Variants in UNC13C observed in about 807,000 individuals in gnomAD.
UNC13C encodes unc-13 homolog C, also known as protein unc-13 homolog C.
Under a neutral mutation model 245.4 loss-of-function variants are expected in UNC13C, and 174 were observed. The observed-to-expected ratio is 0.71, with a 90% CI of 0.63 to 0.80. The LOEUF (loss-of-function observed/expected upper bound fraction) is 0.80. Ranked by LOEUF, UNC13C falls within the 30% of genes least tolerant of loss-of-function variation. UNC13C has a pLI of 0.00. For synonymous variants in UNC13C, 992 were observed against 895.1 expected (o/e 1.11, Z -1.93); for missense variants, 2,829 against 2,602.9 (o/e 1.09, Z -1.89).
chr15:54,420,458 C>G (rs554436699), intron 19 of UNC13C, among the ~76,000 whole-genome samples: 2 of 151,892 alleles, frequency 1.3e-5, no homozygotes, highest in Admixed American at 1.3e-4. Flanking sequence ...TCAGTCACTT[C>G]TACAATATCT....
chr15:54,379,465 C>T (rs955371966), intron 17 of UNC13C, among the ~76,000 whole-genome samples: 3 of 152,184 alleles, frequency 2.0e-5, no homozygotes, highest in Admixed American at 6.5e-5. Context: ...TTTAATCTGA[C>T]TTTATTATAA....
intron 25 of UNC13C, among the ~76,000 whole-genome samples, chr15:54,526,161 G>A (rs1195228942): frequency 6.6e-6 from 1 of 152,110 alleles, no homozygotes; most frequent in Non-Finnish European, 1.5e-5. Flanking sequence ...CCCATGGGAA[G>A]GAGTTTGGAA....
At chr15:54,266,898 A>G (rs150041864) in intron 10 of UNC13C, among the ~76,000 whole-genome samples, 42 of 152,196 alleles carry the variant, frequency 2.8e-4, no homozygotes, top group African/African-American at 1.0e-3. Context: ...TATAACTAGA[A>G]CAATATGGCA....
chr15:54,183,856 C>A (rs982593820), intron 4 of UNC13C, among the ~76,000 whole-genome samples: 4 of 150,332 alleles, frequency 2.7e-5, no homozygotes, highest in Non-Finnish European at 5.9e-5. Flanking sequence ...GGGAGAGGAA[C>A]AATTTGTTTT....
At chr15:54,577,446 C>G (rs1898003410) in intron 30 of UNC13C, among the ~76,000 whole-genome samples, 1 of 152,168 alleles carries the variant, frequency 6.6e-6, no homozygotes, top group Admixed American at 6.5e-5. Context: ...TCTACTTTCC[C>G]CCACTCCGCA....
At chr15:54,313,075 C>A (rs1370831362) in intron 13 of UNC13C, among the ~76,000 whole-genome samples, 2 of 151,674 alleles carry the variant, frequency 1.3e-5, no homozygotes, top group African/African-American at 4.8e-5. Flanking sequence ...CCAGAAATCA[C>A]CTCAGTTAAT....
At chr15:54,258,339 C>A (rs775320023) in intron 8 of UNC13C, among the ~76,000 whole-genome samples, 3 of 152,044 alleles carry the variant, frequency 2.0e-5, no homozygotes, top group South Asian at 2.1e-4. Flanking sequence ...GCAGCTCAAA[C>A]CCCTAAAATT....
At chr15:54,310,559 T>G (rs896036311) in intron 13 of UNC13C, among the ~76,000 whole-genome samples, 2 of 151,808 alleles carry the variant, frequency 1.3e-5, no homozygotes, top group African/African-American at 4.8e-5. Flanking sequence ...TGTTAGAGCA[T>G]GTAAGGGTTA....
chr15:54,332,176 T>G (rs764206353), intron 15 of UNC13C, 65 bp downstream of exon 15: 1 of 1,141,058 alleles, frequency 8.8e-7, no homozygotes, highest in Non-Finnish European at 1.2e-6. Context: ...CTTGCCATAT[T>G]GTAAAAATTA....
the UNC13C span, among the ~76,000 whole-genome samples, chr15:53,871,176 G>A: frequency 2.0e-5 from 3 of 152,082 alleles, no homozygotes; most frequent in Admixed American, 6.6e-5. Context: ...CTGAATGTCT[G>A]TATGACCTCT....
chr15:54,093,062 GCT>G (rs1199032239), intron 2 of UNC13C, among the ~76,000 whole-genome samples: 1 of 151,994 alleles, frequency 6.6e-6, no homozygotes, highest in East Asian at 1.9e-4. Context: ...GTCCTGTGAT[GCT>G]AGGTTCCTTA....
At chr15:54,088,419 T>G (rs1346905770) in intron 2 of UNC13C, among the ~76,000 whole-genome samples, 2 of 152,176 alleles carry the variant, frequency 1.3e-5, no homozygotes, top group Non-Finnish European at 2.9e-5. Flanking sequence ...AGAAATGTTT[T>G]TAATCCACAT....
intron 17 of UNC13C, among the ~76,000 whole-genome samples, chr15:54,344,638 C>G (rs1342429613): frequency 1.3e-5 from 2 of 152,128 alleles, no homozygotes; most frequent in African/African-American, 2.4e-5. Context: ...TTGAAGCCAT[C>G]TAGGAATACT....
intron 4 of UNC13C, among the ~76,000 whole-genome samples, chr15:54,228,106 A>G (rs930963160): frequency 8.5e-5 from 13 of 152,162 alleles, no homozygotes; most frequent in African/African-American, 3.1e-4. Context: ...TCCATATAAG[A>G]AGACGTGTCT....
intron 14 of UNC13C, among the ~76,000 whole-genome samples, chr15:54,328,102 T>C (rs1177569421): frequency 6.6e-6 from 1 of 152,110 alleles, no homozygotes; most frequent in African/African-American, 2.4e-5. Flanking sequence ...AACATTTCAA[T>C]GCTTTTCAAG....
At position 54,434,157 on chromosome 15, in the gene UNC13C, C is replaced by G. The variant is rs760646918; in HGVS notation, c.4933+19090C>G. Among the ~76,000 whole-genome samples, 59 of 152,170 alleles carry G rather than the reference C, an allele frequency of 3.9e-4. 1 individual carries two copies. Among genetic ancestry groups the G allele is most frequent in the Admixed American group, 5.2e-4 (8 of 15,268 alleles). On this transcript the variant is annotated intron_variant, in intron 19 of 32. Transcript: ENST00000260323. ...AATATCGTGAAAATGGCCATACTGCCCAAAGTAATTTATAGATTCAATGCT... is the reference window on the plus strand; with the variant it reads ...AATATCGTGAAAATGGCCATACTGCGCAAAGTAATTTATAGATTCAATGCT...
At chr15:54,467,816 T>C (rs991653112) in intron 19 of UNC13C, among the ~76,000 whole-genome samples, 6 of 151,762 alleles carry the variant, frequency 4.0e-5, no homozygotes, top group Admixed American at 3.3e-4. Context: ...GGCTCAATAG[T>C]ATCTCATTGT....
the UNC13C span, among the ~76,000 whole-genome samples, chr15:53,863,974 G>A: frequency 2.6e-5 from 4 of 152,164 alleles, no homozygotes; most frequent in Admixed American, 2.6e-4. Context: ...TGAGGTCCAT[G>A]TTCCATGCTG....
At chr15:54,518,548 A>G (rs1895078848) in intron 24 of UNC13C, among the ~76,000 whole-genome samples, 1 of 152,190 alleles carries the variant, frequency 6.6e-6, no homozygotes, top group Non-Finnish European at 1.5e-5. Context: ...GATCACCTTC[A>G]GTTGCTCATG....
Sources: allele counts gnomAD v4.1 joint callset (sites outside exome capture counted in the v4.1 genomes callset), GRCh38; gene constraint gnomAD v4.1.1; transcripts MANE v1.5; gene names NCBI Gene and HGNC (gene_info 2026-07-23, HGNC 2026-07-21).